Variants in LPO observed in about 807,000 individuals in gnomAD.
LPO encodes lactoperoxidase.
LPO carries 70 observed loss-of-function variants against 68.4 expected under a neutral mutation model. That is an observed-to-expected ratio of 1.02 (90% CI 0.84 to 1.25). The LOEUF is 1.25. Among genes scored for constraint, LPO ranks in the 50% most tolerant of loss-of-function variants. The probability of loss-of-function intolerance (pLI) is 0.00; values close to 1 mark genes in which losing one functional copy is unlikely to be tolerated. For missense variants in LPO, 873 were observed against 908.4 expected (o/e 0.96, Z 0.50); for synonymous variants, 360 against 357.6 (o/e 1.01, Z -0.08).
intron 8 of LPO, 109 bp downstream of exon 8, chr17:58,252,615 T>C: frequency 2.8e-6 from 3 of 1,080,246 alleles, no homozygotes; most frequent in South Asian, 1.6e-5. Context: ...CACTGAGCCA[T>C]TGCTGTCCCT....
Position 58,249,705 on chromosome 17 carries a change from G to A in LPO, c.573+10G>A. ...CTTCCCTCTCCCGCTGGTGAGGGCA[G>A]GCCGGGCCGGGGTGAAGGATGGGAG... On this transcript the variant is annotated intron_variant, in intron 6 of 12. Transcript: ENST00000262290. The A allele has an allele frequency of 6.4e-7, 1 of 1,553,494 alleles. No homozygotes were observed. The highest frequency in any genetic ancestry group is 1.4e-5 in the African/African-American group (1 of 73,230).
At chr17:58,251,692 G>T (rs1480356408) in intron 7 of LPO, 1 of 361,806 alleles carries the variant, frequency 2.8e-6, no homozygotes, top group Admixed American at 3.7e-5. Flanking sequence ...AAGTTCTTAG[G>T]CAACTTACTT....
intron 7 of LPO, chr17:58,251,764 G>A (rs1969962534): frequency 6.3e-6 from 3 of 475,020 alleles, no homozygotes; most frequent in Non-Finnish European, 1.3e-5. Flanking sequence ...ACCTTACAGG[G>A]TTTTTTTGAG....
chr17:58,257,415 T>C (rs1970093132), intron 9 of LPO, among the ~76,000 whole-genome samples: 1 of 152,260 alleles, frequency 6.6e-6, no homozygotes, highest in African/African-American at 2.4e-5. Context: ...CTGCCTGGCA[T>C]ATTTCACGTA....
intron 9 of LPO, among the ~76,000 whole-genome samples, chr17:58,260,203 G>C (rs1970152100): frequency 1.3e-5 from 2 of 152,154 alleles, no homozygotes. Context: ...AAATATAATT[G>C]ATTTTTTTAT....
chr17:58,264,591 C>T, intron 9 of LPO, 131 bp from the exon 10 acceptor site: 1 of 838,938 alleles, frequency 1.2e-6, no homozygotes, highest in Non-Finnish European at 1.9e-6. Flanking sequence ...GAACTGGGCA[C>T]ATATGCTATC....
chr17:58,241,614 C>A (rs1969761633), intron 1 of LPO, among the ~76,000 whole-genome samples: 1 of 152,070 alleles, frequency 6.6e-6, no homozygotes, highest in Admixed American at 6.6e-5. Context: ...AGGACAAGAG[C>A]CCACTGAGAG....
intron 2 of LPO, chr17:58,243,679 A>T: frequency 2.3e-6 from 1 of 427,606 alleles, no homozygotes; most frequent in Non-Finnish European, 4.3e-6. Context: ...TCTCACCAGG[A>T]ACCAGAGAAA....
rs67390833 is a variant in LPO, at chr17:58,244,090, G to GAC, written c.164+50_164+51dup. 0.058 allele frequency: 61,117 copies of GAC among 1,052,062 alleles called. 1,276 individuals carry two copies. Among genetic ancestry groups the GAC allele is most frequent in the African/African-American group, 0.19 (11,231 of 57,814 alleles). 65.2% of individuals were successfully genotyped at this position (1,052,062 alleles called of 1,614,324 possible). ...CTGGACTCCCGAACCAGGTACGTGAGACACACACACACACACACACACACA... is the reference window on the plus strand; with the variant it reads ...CTGGACTCCCGAACCAGGTACGTGAGACACACACACACACACACACACACACA... On this transcript the variant is annotated intron_variant, in intron 3 of 12. Coordinates refer to ENST00000262290, the MANE Select transcript of LPO (RefSeq NM_006151.3).
chr17:58,240,544 C>T (rs1168631166), intron 1 of LPO, among the ~76,000 whole-genome samples: 1 of 152,174 alleles, frequency 6.6e-6, no homozygotes, highest in Non-Finnish European at 1.5e-5. Flanking sequence ...ATTCACCTGG[C>T]TCTGATTTTT....
intron 6 of LPO, 120 bp from the exon 7 acceptor site, chr17:58,250,295 C>G: frequency 1.2e-6 from 1 of 802,214 alleles, no homozygotes; most frequent in Non-Finnish European, 2.1e-6. Flanking sequence ...ACCTCACAAA[C>G]TCCTTGTAGG....
At chr17:58,248,847 T>C (rs371427268) in intron 4 of LPO, among the ~76,000 whole-genome samples, 1 of 152,200 alleles carries the variant, frequency 6.6e-6, no homozygotes, top group African/African-American at 2.4e-5. Context: ...CTCTTGAACA[T>C]TGTGTTCTCA....
At chr17:58,262,372 G>A (rs1033255551) in intron 9 of LPO, among the ~76,000 whole-genome samples, 4 of 152,070 alleles carry the variant, frequency 2.6e-5, no homozygotes, top group Admixed American at 1.3e-4. Context: ...GAGCTTCACC[G>A]ATATTTTGTT....
chr17:58,247,161 G>A (rs1281581853), intron 3 of LPO, among the ~76,000 whole-genome samples: 1 of 152,190 alleles, frequency 6.6e-6, no homozygotes, highest in Non-Finnish European at 1.5e-5. Context: ...GCCCACTTTA[G>A]GCTAGCAGTG....
Position 58,250,552 on chromosome 17 carries a change from G to A in LPO, c.711G>A (p.Gly237=). 1 of 1,614,144 alleles carries A rather than the reference G, an allele frequency of 6.2e-7. No homozygotes were observed. Among genetic ancestry groups the A allele is most frequent in the South Asian group, 1.1e-5 (1 of 91,076 alleles). The change falls in exon 7 of 13, where the codon GGG becomes GGA. Residue 237 remains glycine, a synonymous_variant. Transcript: ENST00000262290. ...ACTTTGCCCCTGACACCGAGCTGGG[G>A]AGTAGCGAGTACTCCAAAGCCCAGT... ...DLDFAPDTEL[G]SSEYSKAQCD...
At chr17:58,240,460 T>C (rs1190591612) in intron 1 of LPO, among the ~76,000 whole-genome samples, 1 of 152,238 alleles carries the variant, frequency 6.6e-6, no homozygotes, top group Non-Finnish European at 1.5e-5. Flanking sequence ...CCTCTTGCCC[T>C]GTGTGGTTCT....
In LPO at chr17:58,247,617, G is replaced by A; in HGVS notation, c.304G>A (p.Ala102Thr). The A allele has an allele frequency of 6.2e-7, 1 of 1,613,980 alleles. No homozygotes were observed. Among genetic ancestry groups the A allele is most frequent in the Non-Finnish European group, 8.5e-7 (1 of 1,179,942 alleles). The change falls in exon 4 of 13, where the codon GCA (alanine) becomes ACA (threonine). Residue 102 changes from alanine to threonine, a missense_variant. Coordinates refer to ENST00000262290, the MANE Select transcript of LPO (RefSeq NM_006151.3). ...EESLKRLRQK[A>T]SLTNVTDPSL... is the part of the protein sequence containing the mutation. ...GTCTTTAAAGAGACTGAGGCAGAAG[G>A]CATCCTTGACCAATGTCACAGGTAC...
chr17:58,257,283 C>T (rs570073151), intron 9 of LPO, among the ~76,000 whole-genome samples: 26 of 152,252 alleles, frequency 1.7e-4, no homozygotes, highest in African/African-American at 5.5e-4. Flanking sequence ...CCGCCCCCCA[C>T]AGCCCCTCAT....
At chr17:58,250,695 A>T (rs1297313557) in intron 7 of LPO, 74 bp downstream of exon 7, 2 of 1,464,474 alleles carry the variant, frequency 1.4e-6, no homozygotes, top group African/African-American at 2.8e-5. Flanking sequence ...CCAGCTCATC[A>T]GCTAGGATCT....
Sources: allele counts gnomAD v4.1 joint callset (sites outside exome capture counted in the v4.1 genomes callset), GRCh38; gene constraint gnomAD v4.1.1; transcripts MANE v1.5; gene names NCBI Gene and HGNC (gene_info 2026-07-23, HGNC 2026-07-21).